The following STK17A variants were observed in gnomAD, a reference collection of about 807,000 sequenced individuals.
STK17A encodes the protein serine/threonine kinase 17a, also known as serine/threonine-protein kinase 17A.
In STK17A, 26 loss-of-function variants were observed where a neutral mutation model predicts 43.7. The observed-to-expected ratio is 0.60, with a 90% confidence interval of 0.44 to 0.83. The LOEUF is 0.83. Among genes scored for constraint, STK17A ranks in the 40% least tolerant of loss-of-function variants. The pLI is 0.00. For missense variants in STK17A, 476 were observed against 511.6 expected (o/e 0.93, Z 0.67); for synonymous variants, 191 against 182.5 (o/e 1.05, Z -0.38).
Position 43,608,313 on chromosome 7 carries a change from A to G in STK17A, c.477A>G (p.Lys159=). 1 of 1,614,178 alleles carries G rather than the reference A, an allele frequency of 6.2e-7. No individual in the cohort carries two copies. Among genetic ancestry groups the G allele is most frequent in the Non-Finnish European group, 8.5e-7 (1 of 1,180,022 alleles). The part of the protein sequence containing the change: ...QCVADREEAF[K]EKDVQRLMRQ... ...TTGCAGACAGAGAAGAAGCCTTTAA[A>G]GAAAAAGATGTTCAAAGACTTATGC... The change falls in exon 3 of 7, where the codon AAA becomes AAG. Residue 159 remains lysine (K), a synonymous_variant. Transcript: ENST00000319357.
chr7:43,610,820 A>C (rs1277614419), intron 3 of STK17A, among the ~76,000 whole-genome samples: 1 of 151,892 alleles, frequency 6.6e-6, no homozygotes, highest in Non-Finnish European at 1.5e-5. Flanking sequence ...GCGCACTCTC[A>C]AGAAGGAGTG....
chr7:43,586,426 T>C (rs2082439707), intron 1 of STK17A, among the ~76,000 whole-genome samples: 1 of 151,592 alleles, frequency 6.6e-6, no homozygotes, highest in Non-Finnish European at 1.5e-5. Flanking sequence ...ACAGAGTCCA[T>C]AGCAGCGTAA....
chr7:43,593,705 AAAAC>A (rs1302823092), intron 1 of STK17A, among the ~76,000 whole-genome samples: 2 of 151,716 alleles, frequency 1.3e-5, no homozygotes, highest in Non-Finnish European at 2.9e-5. Context: ...ATAAAAAAAA[AAAAC>A]AATGAGGTTG....
chr7:43,598,696 A>T (rs1175518185), intron 2 of STK17A, among the ~76,000 whole-genome samples: 1 of 152,108 alleles, frequency 6.6e-6, no homozygotes, highest in Admixed American at 6.5e-5. Flanking sequence ...TCACAAATGC[A>T]GATGTACAAA....
intron 4 of STK17A, among the ~76,000 whole-genome samples, chr7:43,621,725 T>A (rs930053265): frequency 1.2e-4 from 18 of 152,186 alleles, no homozygotes; most frequent in African/African-American, 4.3e-4. Context: ...TAGTAAATTT[T>A]AAATTTTCTA....
At chr7:43,596,229 C>G in intron 2 of STK17A, 116 bp downstream of exon 2, 1 of 909,944 alleles carries the variant, frequency 1.1e-6, no homozygotes, top group Non-Finnish European at 1.6e-6. Flanking sequence ...TCAGAATTTT[C>G]TAGATCATCT....
At chr7:43,620,137 T>C (rs1023232258) in intron 4 of STK17A, among the ~76,000 whole-genome samples, 4 of 152,146 alleles carry the variant, frequency 2.6e-5, no homozygotes, top group African/African-American at 9.7e-5. Flanking sequence ...GGGCATTTGG[T>C]TGGATCCATG....
rs1387101696 is a variant in STK17A, at chr7:43,583,177, G to A, written c.-67G>A. 1.3e-6 allele frequency: 2 copies of A among 1,510,392 alleles called. No homozygotes were observed. Among genetic ancestry groups the A allele is most frequent in the Non-Finnish European group, 1.8e-6 (2 of 1,123,054 alleles). The allele number at this position is 1,510,392 out of a possible 1,614,324, so 93.6% of individuals were successfully genotyped here. On this transcript the variant is annotated 5_prime_UTR_variant, in exon 1 of 7. Coordinates refer to ENST00000319357, the MANE Select transcript of STK17A (RefSeq NM_004760.3). ...CGCGGACCGGCACTAGGAGCCGGGG[G>A]CGGGTCCGTGACCCTCCGGCTGCTC...
intron 3 of STK17A, among the ~76,000 whole-genome samples, chr7:43,610,953 C>T (rs1046648493): frequency 4.0e-5 from 6 of 151,866 alleles, no homozygotes; most frequent in Non-Finnish European, 4.4e-5. Context: ...CCTATCTCTA[C>T]GAAAAATACA....
At chr7:43,584,476 T>C (rs577207220) in intron 1 of STK17A, among the ~76,000 whole-genome samples, 1 of 152,310 alleles carries the variant, frequency 6.6e-6, no homozygotes, top group South Asian at 2.1e-4. Flanking sequence ...CCACATGGCG[T>C]TCAGTAAATG....
chr7:43,621,290 AAGTT>A, intron 4 of STK17A, among the ~76,000 whole-genome samples: 1 of 152,318 alleles, frequency 6.6e-6, no homozygotes, highest in South Asian at 2.1e-4. Context: ...CATGACCACT[AAGTT>A]AGTTTTGGGG....
chr7:43,623,763 C>A lies in STK17A; in HGVS notation c.795C>A (p.Gly265=), dbSNP rs201962865. The stretch of plus-strand genomic sequence containing the variant: ...TTACAGGAATATCACCTTTCTTAGG[C>A]AATGATAAACAAGAAACATTCTTAA... ...VMLTGISPFL[G]NDKQETFLNI... Residue 265 remains glycine, a synonymous_variant, in exon 6 of 7, where the codon GGC becomes GGA. Coordinates refer to ENST00000319357, the MANE Select transcript of STK17A (RefSeq NM_004760.3). 4 of 1,607,124 alleles carry A rather than the reference C, an allele frequency of 2.5e-6. No homozygotes were observed. Among genetic ancestry groups the A allele is most frequent in the Non-Finnish European group, 3.4e-6 (4 of 1,177,638 alleles).
rs1041368462 is a variant in STK17A at position 43,625,600 on chromosome 7, C to G, written c.*758C>G. 2.6e-5 allele frequency: 4 copies of G among 152,500 alleles called. No individual in the cohort carries two copies. The highest frequency in any genetic ancestry group is 9.7e-5 in the African/African-American group (4 of 41,406). 9.4% of individuals were successfully genotyped at this position (152,500 alleles called of 1,614,324 possible). A position where few individuals can be genotyped will look rare whatever the true frequency, so the allele number is the denominator to read the frequency against. On this transcript the variant is annotated 3_prime_UTR_variant, in exon 7 of 7. Coordinates refer to ENST00000319357, the MANE Select transcript of STK17A (RefSeq NM_004760.3). ...TCTGTTCTCTCTCACACTCTATACC[C>G]CTGCCACTTCCTGGCACCTCCCCCC...
intron 1 of STK17A, among the ~76,000 whole-genome samples, chr7:43,586,118 C>T (rs2082437448): frequency 1.3e-5 from 2 of 151,490 alleles, no homozygotes; most frequent in African/African-American, 4.8e-5. Context: ...TAATCTCACG[C>T]TGATAAAGAA....
intron 1 of STK17A, among the ~76,000 whole-genome samples, chr7:43,591,865 A>G (rs2082482051): frequency 6.6e-6 from 1 of 151,622 alleles, no homozygotes; most frequent in Non-Finnish European, 1.5e-5. Context: ...TTGCTGAATT[A>G]GCTGTCTTTC....
At chr7:43,593,715 GGTT>G (rs1429501146) in intron 1 of STK17A, among the ~76,000 whole-genome samples, 2 of 151,018 alleles carry the variant, frequency 1.3e-5, no homozygotes, top group African/African-American at 4.9e-5. Flanking sequence ...AAAACAATGA[GGTT>G]GTTTTTTTTT....
At chr7:43,589,648 A>G (rs1020202002) in intron 1 of STK17A, among the ~76,000 whole-genome samples, 2 of 151,670 alleles carry the variant, frequency 1.3e-5, no homozygotes, top group African/African-American at 4.8e-5. Context: ...TTAAAAATCT[A>G]AAAGTCATCC....
chr7:43,622,705 GT>G (rs33923943), intron 4 of STK17A: 99,315 of 146,850 alleles, frequency 0.68, 33,415 homozygotes, highest in South Asian at 0.75. Context: ...TTTTGTTTTT[GT>G]TTTTTTTTTT....
At position 43,624,841 on chromosome 7, in the gene STK17A, G is replaced by A. The variant is rs144740791; in HGVS notation, c.1244G>A (p.Ter415=). 3.4e-4 allele frequency: 545 copies of A among 1,590,988 alleles called. No homozygotes were observed. The highest frequency in any genetic ancestry group is 4.3e-4 in the Non-Finnish European group (506 of 1,169,388). ...LQEIPGEFIY[*] ...GAAATTCCAGGAGAATTTATCTACT[G>A]AGCAATATTTCCCTTTAGAACTTCA... is the stretch of plus-strand genomic sequence containing the variant. Residue 415 remains the stop codon, a stop_retained_variant, in exon 7 of 7, where the codon TGA becomes TAA. Coordinates refer to ENST00000319357, the MANE Select transcript of STK17A (RefSeq NM_004760.3).
Sources: allele counts gnomAD v4.1 joint callset (sites outside exome capture counted in the v4.1 genomes callset), GRCh38; gene constraint gnomAD v4.1.1; transcripts MANE v1.5; gene names NCBI Gene and HGNC (gene_info 2026-07-23, HGNC 2026-07-21).